CHFR: variants seen among roughly 807,000 people sequenced by gnomAD.
CHFR encodes E3 ubiquitin-protein ligase CHFR.
Under a neutral mutation model 87.6 loss-of-function variants are expected in CHFR, and 57 were observed. That is an observed-to-expected ratio of 0.65 (90% CI 0.53 to 0.81). The LOEUF (loss-of-function observed/expected upper bound fraction) is 0.81. Among genes scored for constraint, CHFR ranks in the 30% least tolerant of loss-of-function variants. The pLI is 0.00. For synonymous variants in CHFR, 381 were observed against 359.2 expected, an observed-to-expected ratio of 1.06 and a Z score of -0.69; for missense variants, 797 against 865.8, an observed-to-expected ratio of 0.92 and a Z score of 1.00.
Position 132,887,322 on chromosome 12 carries a change from G to A in CHFR, c.7C>T (p.Arg3Trp). The part of the protein sequence containing the change: ME[R>W]PEEGKQSPPP... ...GGCGACTGCTTGCCTTCCTCGGGCCGCTCCATCGGGATTCACATCTGCGGA... is the reference window on the plus strand; with the variant it reads ...GGCGACTGCTTGCCTTCCTCGGGCCACTCCATCGGGATTCACATCTGCGGA... Residue 3 changes from arginine to tryptophan, a missense_variant, in exon 2 of 18, where the codon CGG (arginine) becomes TGG (tryptophan). Physicochemically the swap from Arg to Trp is moderately radical, Grantham distance 101. This residue lies in a region of CHFR where 597 missense variants were observed against 601.2 expected (regional missense o/e 0.99). Transcript: ENST00000450056. 6 of 1,467,176 alleles carry A rather than the reference G, an allele frequency of 4.1e-6. No individual in the cohort carries two copies. The highest frequency in any genetic ancestry group is 1.3e-5 in the South Asian group (1 of 76,394). 90.9% of individuals were successfully genotyped at this position (1,467,176 alleles called of 1,614,324 possible).
At position 132,870,778 on chromosome 12, in the gene CHFR, C is replaced by T. The variant is rs1300704622; in HGVS notation, c.349G>A (p.Ala117Thr). Residue 117 changes from alanine to threonine, a missense_variant, in exon 5 of 18, where the codon GCA (alanine) becomes ACA (threonine). By Grantham distance (58) the Ala-to-Thr change is moderately conservative. Transcript: ENST00000450056. ...TCACTTAAAGATTCATAGAGGTATG[C>T]CACGTCTAAAAGAAAATCAATCAAA... is the stretch of plus-strand genomic sequence containing the variant. ...YRKNEPEHNV[A>T]YLYESLSEKQ... 2 of 1,605,720 alleles carry T rather than the reference C, an allele frequency of 1.2e-6. No individual in the cohort carries two copies. The highest frequency in any genetic ancestry group is 1.7e-6 in the Non-Finnish European group (2 of 1,172,762).
chr12:132,870,384 T>C (rs1951459974), intron 5 of CHFR, among the ~76,000 whole-genome samples: 1 of 123,458 alleles, frequency 8.1e-6, no homozygotes, highest in Non-Finnish European at 1.7e-5. Context: ...CAAACAAAAT[T>C]AGCCAGGCGT....
At chr12:132,843,916 T>C in intron 16 of CHFR, 111 bp downstream of exon 16, 2 of 648,378 alleles carry the variant, frequency 3.1e-6, no homozygotes, top group Non-Finnish European at 5.6e-6. Context: ...ACCACTGCAC[T>C]CCAGCCTGGG....
chr12:132,869,485 T>TC (rs1481384100), intron 6 of CHFR, 134 bp downstream of exon 6: 3 of 731,202 alleles, frequency 4.1e-6, no homozygotes, highest in Non-Finnish European at 6.8e-6. Context: ...CAATATTGAC[T>TC]CCTACAGAAA....
At chr12:132,842,045 G>C (rs898968402) in intron 17 of CHFR, among the ~76,000 whole-genome samples, 1 of 145,762 alleles carries the variant, frequency 6.9e-6, no homozygotes, top group Non-Finnish European at 1.5e-5. Flanking sequence ...GGGAGGCAGG[G>C]TTGCAATCAG....
At chr12:132,858,864 A>T (rs939594661) in intron 8 of CHFR, among the ~76,000 whole-genome samples, 1 of 148,942 alleles carries the variant, frequency 6.7e-6, no homozygotes, top group Non-Finnish European at 1.5e-5. Flanking sequence ...GAACCGCTCA[A>T]TCCTGGGAGG....
Position 132,838,288 on chromosome 12 carries a change from G to A in CHFR, c.*3266C>T, listed in dbSNP as rs1168564590. The A allele has an allele frequency of 6.6e-6, 1 of 152,310 alleles. No homozygotes were observed. The highest frequency in any genetic ancestry group is 2.4e-5 in the African/African-American group (1 of 41,468). The allele number at this position is 152,310 out of a possible 1,614,324, so 9.4% of individuals were successfully genotyped here. A position where few individuals can be genotyped will look rare whatever the true frequency, so the allele number is the denominator to read the frequency against. ...TTAAAGCAGATTTAAAACAGCCTTT[G>A]TAGCTGGCCTAGGGAGGAGGGTTGG... On this transcript the variant is annotated 3_prime_UTR_variant, in exon 18 of 18. Coordinates refer to ENST00000450056, the MANE Select transcript of CHFR (RefSeq NM_001161346.2).
At chr12:132,870,886 T>C in intron 4 of CHFR, 103 bp from the exon 5 acceptor site, 1 of 671,804 alleles carries the variant, frequency 1.5e-6, no homozygotes, top group Admixed American at 2.4e-5. Context: ...GTTGATTATT[T>C]TGACTCATCA....
chr12:132,843,148 T>TCCCAGCAGAGA, intron 16 of CHFR, 65 bp from the exon 17 acceptor site: 1 of 1,462,606 alleles, frequency 6.8e-7, no homozygotes, highest in African/African-American at 1.4e-5. Flanking sequence ...GCTACCTGAA[T>TCCCAGCAGAGA]CCCAGCAGAG....
chr12:132,855,474 G>A (rs1390814787), intron 10 of CHFR, among the ~76,000 whole-genome samples: 1 of 151,388 alleles, frequency 6.6e-6, no homozygotes, highest in Non-Finnish European at 1.5e-5. Flanking sequence ...AGGCCATCCT[G>A]GCCAATGTGG....
chr12:132,867,700 G>C (rs542944789), intron 6 of CHFR: 1 of 152,116 alleles, frequency 6.6e-6, no homozygotes, highest in South Asian at 2.1e-4. Context: ...CTGTTCATAG[G>C]AATCTGCAGA....
intron 7 of CHFR, 115 bp from the exon 8 acceptor site, chr12:132,859,342 G>A (rs2136974768): frequency 3.0e-6 from 3 of 1,004,714 alleles, no homozygotes; most frequent in Non-Finnish European, 4.4e-6. Context: ...TAACCGAGAA[G>A]GAAATACATG....
At chr12:132,875,150 A>AT (rs1302141174) in intron 3 of CHFR, among the ~76,000 whole-genome samples, 1 of 152,276 alleles carries the variant, frequency 6.6e-6, no homozygotes, top group Admixed American at 6.5e-5. Context: ...ACTTAATCTG[A>AT]TATCTATTAG....
intron 10 of CHFR, among the ~76,000 whole-genome samples, chr12:132,855,583 C>G (rs1753921296): frequency 6.6e-6 from 1 of 152,060 alleles, no homozygotes; most frequent in Non-Finnish European, 1.5e-5. Flanking sequence ...AGGAGAATCG[C>G]TTGAACCCAG....
chr12:132,876,103 G>A (rs1951625951), intron 3 of CHFR, among the ~76,000 whole-genome samples: 1 of 151,550 alleles, frequency 6.6e-6, no homozygotes, highest in African/African-American at 2.4e-5. Context: ...TGGAACCTGG[G>A]AGTCGGAGGT....
In CHFR at chr12:132,841,203, A is replaced by G. The variant is rs4758909; in HGVS notation, c.*351T>C. 0.98 allele frequency: 207,251 copies of G among 211,694 alleles called. 101,629 individuals are homozygous for G. The highest frequency in any genetic ancestry group is 1 in the East Asian group (9,040 of 9,040). The allele number at this position is 211,694 out of a possible 1,614,324, so 13.1% of individuals were successfully genotyped here. A position where few individuals can be genotyped will look rare whatever the true frequency, so the allele number is the denominator to read the frequency against. On this transcript the variant is annotated 3_prime_UTR_variant, in exon 18 of 18. Transcript: ENST00000450056. The stretch of plus-strand genomic sequence containing the variant: ...GCCCTTCTCCCTTGAAACTTTTCCT[A>G]AAAACAGACTTCTGCTTTAACTGTA...
chr12:132,877,649 C>T lies in CHFR; in HGVS notation c.139G>A (p.Asp47Asn), dbSNP rs1016169013. Residue 47 changes from aspartate (D) to asparagine (N), a missense_variant, in exon 3 of 18, where the codon GAC becomes AAC. Coordinates refer to ENST00000450056, the MANE Select transcript of CHFR (RefSeq NM_001161346.2). ...AGTTTATTGCTGGGGAAGGAAAGGTCGCAACCTAAAAAAGAGAGGGTGGGT... is the reference window on the plus strand; with the variant it reads ...AGTTTATTGCTGGGGAAGGAAAGGTTGCAACCTAAAAAAGAGAGGGTGGGT... Reference protein sequence around the residue: ...EWTIGRRRGCDLSFPSNKLVS... With the variant: ...EWTIGRRRGCNLSFPSNKLVS... 4 of 1,610,582 alleles carry T rather than the reference C, an allele frequency of 2.5e-6. No homozygotes were observed. Among genetic ancestry groups the T allele is most frequent in the South Asian group, 2.2e-5 (2 of 90,526 alleles).
intron 2 of CHFR, among the ~76,000 whole-genome samples, chr12:132,882,016 A>G (rs1951780469): frequency 6.6e-6 from 1 of 152,218 alleles, no homozygotes; most frequent in African/African-American, 2.4e-5. Context: ...TTAAACAGAC[A>G]CTGGCCACGT....
intron 6 of CHFR, chr12:132,866,630 T>A (rs937005776): frequency 4.3e-5 from 6 of 140,548 alleles, no homozygotes; most frequent in South Asian, 4.4e-4. Flanking sequence ...ACACACCGCG[T>A]AACACCAAAT....
Sources: gnomAD v4.1 joint callset for allele counts (sites outside exome capture counted in the v4.1 genomes callset) on GRCh38, gnomAD v4.1.1 for gene constraint, gnomAD v4.1.1 regional missense constraint, MANE v1.5 for transcripts, NCBI Gene and HGNC (gene_info 2026-07-23, HGNC 2026-07-21) for gene names.